The following KMT2A variants were observed in gnomAD, a reference collection of about 807,000 sequenced individuals.
KMT2A encodes the protein lysine methyltransferase 2A, also known as histone-lysine N-methyltransferase 2A.
Under a neutral mutation model 345.3 loss-of-function variants are expected in KMT2A, and 16 were observed. The observed-to-expected ratio is 0.05, with a 90% CI of 0.03 to 0.07. The LOEUF is 0.07. Ranked by LOEUF, KMT2A falls within the 10% of genes least tolerant of loss-of-function variation. The pLI is 1.00. For synonymous variants in KMT2A, 1,599 were observed against 1,778.6 expected (o/e 0.90, Z 2.54); for missense variants, 3,272 against 4,841.6 (o/e 0.68, Z 9.62).
At position 118,526,782 on chromosome 11, in the gene KMT2A, TTTTA is replaced by T. The variant is rs1555055777; in HGVS notation, c.*4615_*4618del. On this transcript the variant is annotated 3_prime_UTR_variant, in exon 36 of 36. Coordinates refer to ENST00000534358, the MANE Select transcript of KMT2A (RefSeq NM_001197104.2). Reference sequence around the variant, plus strand: ...ACATGTTTATTTTCTATGCACTTTTTTTTATTTAAGTGATAGTTTAATTAATAAA... The same window carrying T: ...ACATGTTTATTTTCTATGCACTTTTTTTTAAGTGATAGTTTAATTAATAAA... 1 of 225,492 alleles carries T rather than the reference TTTTA, an allele frequency of 4.4e-6. No individual in the cohort carries two copies. Among genetic ancestry groups the T allele is most frequent in the Non-Finnish European group, 8.8e-6 (1 of 113,496 alleles). 14.0% of individuals were successfully genotyped at this position (225,492 alleles called of 1,614,324 possible). A position where few individuals can be genotyped will look rare whatever the true frequency, so the allele number is the denominator to read the frequency against.
intron 1 of KMT2A, among the ~76,000 whole-genome samples, chr11:118,445,867 G>T (rs560820420): frequency 6.6e-6 from 1 of 151,930 alleles, no homozygotes; most frequent in African/African-American, 2.4e-5. Context: ...GCTGGGTGTG[G>T]TGGTTGCGCA....
chr11:118,480,234 T>C lies in KMT2A; in HGVS notation c.3630T>C (p.Ala1210=). 6.2e-7 allele frequency: 1 copy of C among 1,613,186 alleles called. No individual in the cohort carries two copies. Among genetic ancestry groups the C allele is most frequent in the Non-Finnish European group, 8.5e-7 (1 of 1,179,256 alleles). The change falls in exon 6 of 36, where the codon GCT becomes GCC. Residue 1210 remains alanine (A), a synonymous_variant. Coordinates refer to ENST00000534358, the MANE Select transcript of KMT2A (RefSeq NM_001197104.2). The stretch of plus-strand genomic sequence containing the variant: ...CCAAAGCCTACCTGCAGAAGCAAGC[T>C]AAAGGTAGTGTTGTTAAAAAGGTCT... ...MPSKAYLQKQ[A]KAVKKKEKKS...
At chr11:118,447,077 T>C (rs929713286) in intron 1 of KMT2A, among the ~76,000 whole-genome samples, 5 of 152,200 alleles carry the variant, frequency 3.3e-5, no homozygotes, top group Non-Finnish European at 5.9e-5. Flanking sequence ...TCAACTCAGA[T>C]CCCCAGATCC....
intron 1 of KMT2A, among the ~76,000 whole-genome samples, chr11:118,456,009 T>C (rs1461826305): frequency 2.0e-5 from 3 of 152,040 alleles, no homozygotes; most frequent in African/African-American, 7.2e-5. Flanking sequence ...TTTTAATACA[T>C]TTTTAATTTT....
chr11:118,473,471 C>T lies in KMT2A; in HGVS notation c.2312C>T (p.Thr771Ile), dbSNP rs1273199332. The T allele has an allele frequency of 1.2e-6, 2 of 1,613,904 alleles. No homozygotes were observed. The highest frequency in any genetic ancestry group is 1.7e-6 in the Non-Finnish European group (2 of 1,179,930). ...RLSSSELSPL[T>I]PPSSVSSSLS... The stretch of plus-strand genomic sequence containing the variant: ...AGTAGTTCTGAGCTCTCACCTCTCA[C>T]CCCCCCGTCTTCTGTCTCTTCCTCG... The change falls in exon 3 of 36, where the codon ACC (threonine) becomes ATC (isoleucine). Residue 771 changes from threonine (T) to isoleucine (I), a missense_variant. By Grantham distance (89) the Thr-to-Ile change is moderately conservative. Transcript: ENST00000534358. The surrounding 1 kb of genome is among the most constrained non-coding windows in gnomAD (Gnocchi z 5.2).
rs1950449944 is a variant in KMT2A, at chr11:118,498,675, C to T, written c.5961+147C>T. ...GCACAGCCTCCCCCATGATCAGCAT[C>T]CCCCACCAGAGTGGTGCATTTGTTA... is the stretch of plus-strand genomic sequence containing the variant. On this transcript the variant is annotated intron_variant, in intron 22 of 35. Transcript: ENST00000534358. The surrounding 1 kb of genome is among the most constrained non-coding windows in gnomAD (Gnocchi z 4.4). 4.0e-6 allele frequency: 3 copies of T among 748,722 alleles called. No homozygotes were observed. The highest frequency in any genetic ancestry group is 7.7e-4 in the Middle Eastern group (2 of 2,602). 46.4% of individuals were successfully genotyped at this position (748,722 alleles called of 1,614,324 possible). A position where few individuals can be genotyped will look rare whatever the true frequency, so the allele number is the denominator to read the frequency against.
chr11:118,457,257 C>CTT lies in KMT2A; in HGVS notation c.433-11491_433-11490dup, dbSNP rs782636684. The stretch of plus-strand genomic sequence containing the variant: ...AGACCTTTCATGATACACCTCCTGC[C>CTT]TTTTTTTTTTTTTTTTTTTTTTTTT... On this transcript the variant is annotated intron_variant, in intron 1 of 35. Transcript: ENST00000534358. Among the ~76,000 whole-genome samples, 60 of 89,074 alleles carry CTT rather than the reference C, an allele frequency of 6.7e-4. 2 individuals carry two copies. Among genetic ancestry groups the CTT allele is most frequent in the East Asian group, 1.2e-3 (3 of 2,544 alleles). 58.4% of individuals were successfully genotyped at this position (89,074 alleles called of 152,430 possible). A position where few individuals can be genotyped will look rare whatever the true frequency, so the allele number is the denominator to read the frequency against.
chr11:118,491,856 G>C lies in KMT2A; in HGVS notation c.4932G>C (p.Gln1644His), dbSNP rs2134341295. 6.2e-7 allele frequency: 1 copy of C among 1,614,160 alleles called. No individual in the cohort carries two copies. The highest frequency in any genetic ancestry group is 8.5e-7 in the Non-Finnish European group (1 of 1,180,030). The change falls in exon 15 of 36, where the codon CAG (glutamine) becomes CAC (histidine). Residue 1644 changes from glutamine to histidine, a missense_variant. Coordinates refer to ENST00000534358, the MANE Select transcript of KMT2A (RefSeq NM_001197104.2). This position sits in a 1 kb window ranked among gnomAD's most constrained non-coding sequence, Gnocchi z 4.2. ...EWRLALEKEL[Q>H]ISLKQVLTAL... The stretch of plus-strand genomic sequence containing the variant: ...GACTGGCCCTTGAAAAAGAGCTGCA[G>C]ATTTCTCTGAAGCAAGTTCTGACAG...
intron 1 of KMT2A, among the ~76,000 whole-genome samples, chr11:118,451,158 G>A (rs891851291): frequency 1.3e-5 from 2 of 151,234 alleles, no homozygotes; most frequent in Non-Finnish European, 2.9e-5. Flanking sequence ...AGCTACTGGG[G>A]CTCTACCATT....
intron 1 of KMT2A, among the ~76,000 whole-genome samples, chr11:118,452,490 C>A (rs1159785583): frequency 6.6e-6 from 1 of 152,134 alleles, no homozygotes; most frequent in Non-Finnish European, 1.5e-5. Flanking sequence ...TATGATCATA[C>A]CACTGCACTC....
chr11:118,468,720 G>A (rs1555034751), intron 1 of KMT2A, 55 bp from the exon 2 acceptor site: 15 of 1,363,654 alleles, frequency 1.1e-5, no homozygotes, highest in Non-Finnish European at 1.3e-5. Flanking sequence ...TCTTTGGGAT[G>A]TGTTTGTATG....
At position 118,502,621 on chromosome 11, in the gene KMT2A, C is replaced by T; in HGVS notation, c.6729C>T (p.Ala2243=). ...TGTATDLESS[A]KVVDHVLGPL... ...CCGCTACTGATCTTGAATCAAGTGC[C>T]AAAGTAGTTGATCATGTCTTAGGGC... is the stretch of plus-strand genomic sequence containing the variant. Residue 2243 remains alanine, a synonymous_variant, in exon 27 of 36, where the codon GCC becomes GCT. Transcript: ENST00000534358. The surrounding 1 kb of genome is among the most constrained non-coding windows in gnomAD (Gnocchi z 4.9). 6.2e-7 allele frequency: 1 copy of T among 1,614,074 alleles called. No individual in the cohort carries two copies. Among genetic ancestry groups the T allele is most frequent in the South Asian group, 1.1e-5 (1 of 91,072 alleles).
chr11:118,491,366 T>G lies in KMT2A; in HGVS notation c.4819+48T>G, dbSNP rs782287256. 6.3e-7 allele frequency: 1 copy of G among 1,577,702 alleles called. No homozygotes were observed. Among genetic ancestry groups the G allele is most frequent in the South Asian group, 1.1e-5 (1 of 87,056 alleles). ...TTTCTTCTTTCTAGGTACTACTACA[T>G]TTATTAGCCTCTAGAGCACTTTAAA... is the stretch of plus-strand genomic sequence containing the variant. On this transcript the variant is annotated intron_variant, in intron 14 of 35. Transcript: ENST00000534358. This position sits in a 1 kb window ranked among gnomAD's most constrained non-coding sequence, Gnocchi z 4.2.
chr11:118,441,956 C>T (rs541254946), intron 1 of KMT2A, among the ~76,000 whole-genome samples: 1 of 152,176 alleles, frequency 6.6e-6, no homozygotes, highest in East Asian at 1.9e-4. Flanking sequence ...AATTGCCTCC[C>T]TTACCCTGTG....
In KMT2A at chr11:118,519,520, C is replaced by T. The variant is rs1565316798; in HGVS notation, c.11147-98C>T. On this transcript the variant is annotated intron_variant, in intron 31 of 35. Coordinates refer to ENST00000534358, the MANE Select transcript of KMT2A (RefSeq NM_001197104.2). ...TGTACTATAATTCACCCTGGAGCAG[C>T]CTCTGGCAGAGTGACTATAGCATAG... The T allele has an allele frequency of 1.3e-5, 14 of 1,066,152 alleles. No homozygotes were observed. The Admixed American group carries it at 1.7e-4, about 13-fold the overall frequency. The allele number at this position is 1,066,152 out of a possible 1,614,324, so 66.0% of individuals were successfully genotyped here.
Position 118,478,011 on chromosome 11 carries a change from C to G in KMT2A, c.3379C>G (p.Pro1127Ala), listed in dbSNP as rs1239282977. Residue 1127 changes from proline to alanine, a missense_variant, in exon 5 of 36, where the codon CCA becomes GCA. By Grantham distance (27) the Pro-to-Ala change is conservative (BLOSUM62 -1). Around this residue, in one of 27 missense-constraint regions of KMT2A, gnomAD observed 33 missense variants for 46.5 expected, o/e 0.71. Transcript: ENST00000534358. The part of the protein sequence containing the change: ...AGSEDAEPLA[P>A]PIKPIKPVTR... The stretch of plus-strand genomic sequence containing the variant: ...CTCAGAAGATGCTGAACCTCTTGCT[C>G]CACCCATCAAACCAATTAAACCTGT... 29 of 1,613,954 alleles carry G rather than the reference C, an allele frequency of 1.8e-5. No individual in the cohort carries two copies. The highest frequency in any genetic ancestry group is 2.5e-5 in the Non-Finnish European group (29 of 1,180,008).
At chr11:118,518,163 G>A (rs1196671035) in intron 31 of KMT2A, among the ~76,000 whole-genome samples, 3 of 152,038 alleles carry the variant, frequency 2.0e-5, no homozygotes, top group East Asian at 1.9e-4. Flanking sequence ...ACCAGTATTC[G>A]TAAATGAAAT....
chr11:118,512,262 T>C, intron 31 of KMT2A: 1 of 541,856 alleles, frequency 1.8e-6, no homozygotes, highest in Non-Finnish European at 3.2e-6. Flanking sequence ...ATTCTCATCA[T>C]CCCTAAAAGA....
At position 118,491,152 on chromosome 11, in the gene KMT2A, G is replaced by A; in HGVS notation, c.4697-44G>A. The stretch of plus-strand genomic sequence containing the variant: ...CAAGTCGAGGGCCGTAAAAACACGG[G>A]TATGTGAGCCAAAGCACTGCTGTAA... On this transcript the variant is annotated intron_variant, in intron 13 of 35. Transcript: ENST00000534358. This position sits in a 1 kb window ranked among gnomAD's most constrained non-coding sequence, Gnocchi z 4.2. 1 of 1,602,806 alleles carries A rather than the reference G, an allele frequency of 6.2e-7. No homozygotes were observed. The highest frequency in any genetic ancestry group is 1.1e-5 in the South Asian group (1 of 89,300).
Sources: gnomAD v4.1 joint callset for allele counts (sites outside exome capture counted in the v4.1 genomes callset) on GRCh38, gnomAD v4.1.1 for gene constraint, gnomAD v4.1.1 regional missense constraint, Gnocchi (gnomAD v3.1) non-coding constraint, MANE v1.5 for transcripts, NCBI Gene and HGNC (gene_info 2026-07-23, HGNC 2026-07-21) for gene names.